Variants in BTG4 observed in about 807,000 individuals in gnomAD.
The protein encoded by BTG4 is protein BTG4.
BTG4 carries 10 observed loss-of-function variants against 19.3 expected under a neutral mutation model. That is an observed-to-expected ratio of 0.52 (90% CI 0.32 to 0.88). The LOEUF (loss-of-function observed/expected upper bound fraction) is 0.88. BTG4 is among the 40% of genes least tolerant of loss of function. The probability of loss-of-function intolerance (pLI) is 0.04; values close to 1 mark genes in which losing one functional copy is unlikely to be tolerated. For missense variants in BTG4, 238 were observed against 281.9 expected, an observed-to-expected ratio of 0.84 and a Z score of 1.11; for synonymous variants, 91 against 95.7, an observed-to-expected ratio of 0.95 and a Z score of 0.29.
chr11:111,498,026 A>G lies in BTG4; in HGVS notation c.283T>C (p.Trp95Arg). The part of the protein sequence containing the change: ...HLGLPKEMTI[W>R]VDPFEVCCRY... ...CAGCATACTTCAAAGGGATCTACCC[A>G]TATGGTCATCTCCTTCGGAAGTCCC... The change falls in exon 3 of 5, where the codon TGG becomes CGG. Residue 95 changes from tryptophan (W) to arginine (R), a missense_variant. Physicochemically the swap from Trp to Arg is moderately radical, Grantham distance 101. Coordinates refer to ENST00000692032, the MANE Select transcript of BTG4 (RefSeq NM_001367975.1). 2 of 1,614,160 alleles carry G rather than the reference A, an allele frequency of 1.2e-6. No individual in the cohort carries two copies. The highest frequency in any genetic ancestry group is 1.7e-6 in the Non-Finnish European group (2 of 1,179,992).
chr11:111,461,148 A>T, the BTG4 span, among the ~76,000 whole-genome samples: 2 of 152,172 alleles, frequency 1.3e-5, no homozygotes, highest in African/African-American at 4.8e-5. Flanking sequence ...CCACAATGAA[A>T]ATGATTTAGG....
At chr11:111,490,064 G>C (rs1162883787), downstream of BTG4, among the ~76,000 whole-genome samples, 1 of 150,788 alleles carries the variant, frequency 6.6e-6, no homozygotes, top group African/African-American at 2.4e-5. Context: ...ATGAGGCCAG[G>C]AGTTTGAGAC....
intron 5 of BTG4, among the ~76,000 whole-genome samples, chr11:111,475,977 A>G (rs1472302912): frequency 6.6e-6 from 1 of 152,076 alleles, no homozygotes; most frequent in Non-Finnish European, 1.5e-5. Context: ...CACCACCACA[A>G]GAACAGTATG....
chr11:111,495,504 TA>T (rs1865669505), intron 4 of BTG4, among the ~76,000 whole-genome samples, 190 bp from the exon 5 acceptor site: 1 of 152,212 alleles, frequency 6.6e-6, no homozygotes, highest in African/African-American at 2.4e-5. Context: ...TGTACCTTTT[TA>T]AAAAGTTAAT....
the BTG4 span, chr11:111,416,881 C>G: frequency 6.6e-6 from 1 of 152,230 alleles, no homozygotes; most frequent in African/African-American, 2.4e-5. Flanking sequence ...ACAGCACTTC[C>G]ATTATCATTG....
chr11:111,391,315 C>T, the BTG4 span, among the ~76,000 whole-genome samples: 1 of 152,310 alleles, frequency 6.6e-6, no homozygotes, highest in Middle Eastern at 3.4e-3. Flanking sequence ...TGAGCCAACA[C>T]ACCCATTTTC....
chr11:111,512,989 A>G (rs1264066527), upstream of BTG4: 2 of 470,200 alleles, frequency 4.3e-6, no homozygotes, highest in Admixed American at 2.3e-5. Context: ...GGTGGTTACA[A>G]TCACTAACTC....
chr11:111,388,136 T>C, the BTG4 span, among the ~76,000 whole-genome samples: 1 of 152,232 alleles, frequency 6.6e-6, no homozygotes, highest in African/African-American at 2.4e-5. Flanking sequence ...AAAAACCTGA[T>C]ATATTTTTCT....
the BTG4 span, among the ~76,000 whole-genome samples, chr11:111,392,685 C>T: frequency 2.0e-5 from 3 of 152,124 alleles, no homozygotes; most frequent in Admixed American, 1.3e-4. Context: ...AAAGCAGGGC[C>T]TCACCTGGCT....
chr11:111,504,625 C>G (rs921573093), intron 1 of BTG4, among the ~76,000 whole-genome samples: 1 of 151,974 alleles, frequency 6.6e-6, no homozygotes, highest in Admixed American at 6.6e-5. Context: ...CCAGAGCTAT[C>G]AGGCAAGAGA....
At chr11:111,459,258 C>T in the BTG4 span, among the ~76,000 whole-genome samples, 2 of 152,010 alleles carry the variant, frequency 1.3e-5, no homozygotes, top group Admixed American at 6.5e-5. Flanking sequence ...AAAAATTGTG[C>T]ATACTTTATA....
At chr11:111,388,320 G>T in the BTG4 span, among the ~76,000 whole-genome samples, 1 of 123,654 alleles carries the variant, frequency 8.1e-6, no homozygotes, top group Non-Finnish European at 1.8e-5. Context: ...TTGGTTGGTT[G>T]GTTTGGAGGT....
downstream of BTG4, among the ~76,000 whole-genome samples, chr11:111,490,175 A>G (rs536779735): frequency 3.2e-4 from 49 of 151,964 alleles, no homozygotes; most frequent in Non-Finnish European, 5.9e-4. Context: ...CGGGAGGCTG[A>G]GGCAGGAGAA....
chr11:111,385,330 T>C, the BTG4 span: 2 of 152,128 alleles, frequency 1.3e-5, no homozygotes, highest in Non-Finnish European at 2.9e-5. Flanking sequence ...TAGGTTCAAC[T>C]AGCTCAGTAA....
intron 5 of BTG4, among the ~76,000 whole-genome samples, chr11:111,477,378 T>A (rs969289119): frequency 5.3e-5 from 8 of 152,038 alleles, no homozygotes; most frequent in Non-Finnish European, 7.4e-5. Flanking sequence ...AGAAAACAGA[T>A]AAGAAAACCT....
the BTG4 span, among the ~76,000 whole-genome samples, chr11:111,432,757 A>G: frequency 1.4e-4 from 21 of 152,396 alleles, no homozygotes; most frequent in East Asian, 4.0e-3. Flanking sequence ...AACAGAGCTA[A>G]TGAAATATTT....
At chr11:111,433,866 G>C in the BTG4 span, among the ~76,000 whole-genome samples, 1 of 152,232 alleles carries the variant, frequency 6.6e-6, no homozygotes, top group African/African-American at 2.4e-5. Flanking sequence ...TCCCATGCCA[G>C]TTAGAATGGT....
At chr11:111,410,993 C>T in the BTG4 span, among the ~76,000 whole-genome samples, 3 of 152,176 alleles carry the variant, frequency 2.0e-5, no homozygotes, top group Non-Finnish European at 4.4e-5. Context: ...TCTCCGCCGA[C>T]ATTACCACAC....
intron 5 of BTG4, among the ~76,000 whole-genome samples, chr11:111,483,402 T>C (rs1475952321): frequency 6.6e-6 from 1 of 151,976 alleles, no homozygotes; most frequent in African/African-American, 2.4e-5. Flanking sequence ...CAGTGACCAA[T>C]CCCACAGTGA....
Sources: allele counts gnomAD v4.1 joint callset (sites outside exome capture counted in the v4.1 genomes callset), GRCh38; gene constraint gnomAD v4.1.1; transcripts MANE v1.5; gene names NCBI Gene and HGNC (gene_info 2026-07-23, HGNC 2026-07-21).